OSBPL10: variants seen among roughly 807,000 people sequenced by gnomAD.
The protein encoded by OSBPL10 is oxysterol binding protein like 10, also known as oxysterol-binding protein-related protein 10.
Under a neutral mutation model 81.7 loss-of-function variants are expected in OSBPL10, and 49 were observed. The ratio of observed to expected loss-of-function variants is 0.60; its 90% CI spans 0.48 to 0.76. The LOEUF (loss-of-function observed/expected upper bound fraction) is 0.76, where lower values mean the gene tolerates loss of function less well. Among genes scored for constraint, OSBPL10 ranks in the 30% least tolerant of loss-of-function variants. The pLI is 0.00. For synonymous variants in OSBPL10, 419 were observed against 383.6 expected (o/e 1.09, Z -1.08); for missense variants, 923 against 987.8 (o/e 0.93, Z 0.88).
intron 5 of OSBPL10, among the ~76,000 whole-genome samples, chr3:31,746,323 C>G (rs953397548): frequency 6.6e-6 from 1 of 152,000 alleles, no homozygotes; most frequent in Non-Finnish European, 1.5e-5. Context: ...GTCTGTCATC[C>G]GAGAGTCGCT....
chr3:31,832,840 A>T (rs142560038), intron 3 of OSBPL10, among the ~76,000 whole-genome samples: 1 of 152,364 alleles, frequency 6.6e-6, no homozygotes, highest in African/African-American at 2.4e-5. Flanking sequence ...TACCCTAGGT[A>T]GTCTTAGCCT....
intron 6 of OSBPL10, among the ~76,000 whole-genome samples, chr3:31,725,394 C>T (rs1696777418): frequency 6.6e-6 from 1 of 152,110 alleles, no homozygotes; most frequent in Admixed American, 6.5e-5. Flanking sequence ...CTACTTTCCC[C>T]CCAGACCAAC....
intron 4 of OSBPL10, among the ~76,000 whole-genome samples, chr3:31,813,796 G>C (rs1699769151): frequency 6.6e-6 from 1 of 152,120 alleles, no homozygotes; most frequent in South Asian, 2.1e-4. Flanking sequence ...TCTAAGCCCG[G>C]GTGTCCTCAT....
intron 4 of OSBPL10, among the ~76,000 whole-genome samples, chr3:31,762,630 A>AGTTTTTTTTTTTTTT (rs1698079634): frequency 1.6e-5 from 1 of 61,514 alleles, no homozygotes; most frequent in East Asian, 5.4e-4. Flanking sequence ...CATGCCCAGC[A>AGTTTTTTTTTTTTTT]TTTTTTTTTT....
intron 1 of OSBPL10, among the ~76,000 whole-genome samples, chr3:32,059,272 G>A (rs1699737079): frequency 6.6e-6 from 1 of 151,718 alleles, no homozygotes; most frequent in Non-Finnish European, 1.5e-5. Context: ...CTCCAGCCTG[G>A]CAACAGAGCA....
chr3:31,917,390 A>AG (rs1463242888), intron 1 of OSBPL10, among the ~76,000 whole-genome samples: 10 of 152,016 alleles, frequency 6.6e-5, no homozygotes, highest in African/African-American at 2.4e-4. Context: ...GCTTGACTAG[A>AG]GAAAAAAAGT....
chr3:31,775,429 C>T (rs1188937132), intron 4 of OSBPL10, among the ~76,000 whole-genome samples: 1 of 152,040 alleles, frequency 6.6e-6, no homozygotes, highest in Non-Finnish European at 1.5e-5. Flanking sequence ...AAGGTGCCAC[C>T]TGGAGAAACC....
chr3:31,960,827 A>G (rs1386649209), intron 1 of OSBPL10, among the ~76,000 whole-genome samples: 2 of 151,618 alleles, frequency 1.3e-5, no homozygotes, highest in Non-Finnish European at 2.9e-5. Flanking sequence ...AATTACCAGC[A>G]CTCTCTCTTA....
intron 1 of OSBPL10, among the ~76,000 whole-genome samples, 198 bp from the exon 2 acceptor site, chr3:31,880,028 C>T (rs536835943): frequency 6.6e-6 from 1 of 152,278 alleles, no homozygotes; most frequent in South Asian, 2.1e-4. Flanking sequence ...CAGAGTGGCG[C>T]TCATAATGGG....
rs568972470 is a variant in OSBPL10, at chr3:31,866,254, G to A, written c.537+10179C>T. ...CAACAAACAAACCCTTTAATTCCCC[G>A]GAAGCAGTCCACACATCCCCTAGGC... On this transcript the variant is annotated intron_variant, in intron 3 of 11. Transcript: ENST00000396556. 1.1e-4 allele frequency among the ~76,000 whole-genome samples: 17 copies of A among 152,136 alleles called. No homozygotes were observed. In the South Asian group the frequency reaches 2.7e-3, roughly 24 times the overall value.
chr3:31,951,941 A>G (rs1416953210), intron 1 of OSBPL10, among the ~76,000 whole-genome samples: 1 of 152,212 alleles, frequency 6.6e-6, no homozygotes, highest in East Asian at 1.9e-4. Context: ...ACAAGATTCA[A>G]GAATCCCTGC....
intron 4 of OSBPL10, among the ~76,000 whole-genome samples, chr3:31,762,230 GCA>G (rs1023355269): frequency 3.2e-4 from 48 of 152,226 alleles, no homozygotes; most frequent in African/African-American, 1.1e-3. Flanking sequence ...AAGGAAAAAA[GCA>G]CAGAGTAGTC....
At chr3:31,721,690 A>C (rs1437739981) in intron 6 of OSBPL10, 1 of 152,234 alleles carries the variant, frequency 6.6e-6, no homozygotes, top group Non-Finnish European at 1.5e-5. Context: ...AAGAGAAATG[A>C]ATCTTACTTA....
intron 5 of OSBPL10, among the ~76,000 whole-genome samples, chr3:31,737,175 T>C (rs144714497): frequency 6.6e-6 from 1 of 152,062 alleles, no homozygotes; most frequent in Non-Finnish European, 1.5e-5. Context: ...ATTCCGAATA[T>C]CAAAGAGCCG....
chr3:31,883,542 G>GTT (rs59059225), intron 1 of OSBPL10, among the ~76,000 whole-genome samples: 51,569 of 138,550 alleles, frequency 0.37, 10,130 homozygotes, highest in African/African-American at 0.5. Context: ...TTTTTTTGTT[G>GTT]TTTTTTTTTT....
At chr3:31,947,898 G>A (rs564790107) in intron 1 of OSBPL10, among the ~76,000 whole-genome samples, 35 of 151,276 alleles carry the variant, frequency 2.3e-4, no homozygotes, top group Admixed American at 1.3e-3. Context: ...CCCAGCCTCC[G>A]TCTGATCCCA....
At chr3:31,892,629 T>TC (rs1695927227) in intron 1 of OSBPL10, among the ~76,000 whole-genome samples, 1 of 152,186 alleles carries the variant, frequency 6.6e-6, no homozygotes, top group Non-Finnish European at 1.5e-5. Context: ...AGCTTGGGGA[T>TC]CATGCCTGGG....
At chr3:31,943,776 G>A (rs2125429294) in intron 1 of OSBPL10, among the ~76,000 whole-genome samples, 1 of 151,908 alleles carries the variant, frequency 6.6e-6, no homozygotes, top group South Asian at 2.1e-4. Context: ...GACCAGCCTG[G>A]CCAATAGGGT....
intron 7 of OSBPL10, among the ~76,000 whole-genome samples, chr3:31,693,943 T>C (rs2125573623): frequency 6.6e-6 from 1 of 152,220 alleles, no homozygotes; most frequent in South Asian, 2.1e-4. Flanking sequence ...AATTTTAAAA[T>C]AGTTTTGGTA....
Sources: gnomAD v4.1 joint callset for allele counts (sites outside exome capture counted in the v4.1 genomes callset) on GRCh38, gnomAD v4.1.1 for gene constraint, MANE v1.5 for transcripts, NCBI Gene and HGNC (gene_info 2026-07-23, HGNC 2026-07-21) for gene names.